SDK1: variants seen among roughly 807,000 people sequenced by gnomAD.
SDK1 encodes protein sidekick-1.
A neutral mutation model predicts 245.5 loss-of-function variants in SDK1; 157 were observed. The observed-to-expected ratio is 0.64, with a 90% confidence interval of 0.56 to 0.73. The LOEUF is 0.73. Ranked by LOEUF, SDK1 falls within the 30% of genes least tolerant of loss-of-function variation. SDK1 has a pLI of 0.00. For missense variants in SDK1, 3,583 were observed against 3,002.3 expected (o/e 1.19, Z -4.52); for synonymous variants, 1,647 against 1,278.5 (o/e 1.29, Z -6.15).
chr7:3,853,996 A>G (rs569115413), intron 5 of SDK1, among the ~76,000 whole-genome samples: 2 of 152,192 alleles, frequency 1.3e-5, no homozygotes, highest in South Asian at 4.2e-4. Flanking sequence ...TCAAAAAAAA[A>G]ATTTTTTTTG....
At chr7:3,591,069 C>G (rs140683868) in intron 1 of SDK1, among the ~76,000 whole-genome samples, 1 of 152,138 alleles carries the variant, frequency 6.6e-6, no homozygotes, top group Admixed American at 6.5e-5. Flanking sequence ...ATATGATAAT[C>G]ATTCTTTAAT....
chr7:3,302,033 CTCCACG>C, intron 1 of SDK1, 149 bp downstream of exon 1: 2 of 477,750 alleles, frequency 4.2e-6, no homozygotes, highest in Non-Finnish European at 5.7e-6. Flanking sequence ...CCAGGGGCTC[CTCCACG>C]CCAGACTCGG....
chr7:3,863,754 A>G (rs1159709082), intron 5 of SDK1, among the ~76,000 whole-genome samples: 2 of 152,312 alleles, frequency 1.3e-5, no homozygotes, highest in East Asian at 3.9e-4. Flanking sequence ...ATGTTGTAGC[A>G]GTTGTCAGAA....
At chr7:3,535,142 G>A (rs1404402882) in intron 1 of SDK1, among the ~76,000 whole-genome samples, 2 of 152,106 alleles carry the variant, frequency 1.3e-5, no homozygotes, top group Non-Finnish European at 2.9e-5. Context: ...TGGGCATGGT[G>A]ATACGCACCT....
intron 6 of SDK1, among the ~76,000 whole-genome samples, chr7:3,951,285 A>G (rs560438118): frequency 1.3e-5 from 2 of 152,036 alleles, no homozygotes; most frequent in African/African-American, 2.4e-5. Flanking sequence ...CTCCTCTGAG[A>G]TCCTCTCTAG....
At chr7:4,144,615 G>C (rs1304638553) in intron 28 of SDK1, among the ~76,000 whole-genome samples, 2 of 152,022 alleles carry the variant, frequency 1.3e-5, no homozygotes, top group African/African-American at 4.8e-5. Context: ...GAGGATGCCT[G>C]TGAGCTCGGT....
At chr7:4,034,594 G>A (rs955048037) in intron 17 of SDK1, among the ~76,000 whole-genome samples, 1 of 151,990 alleles carries the variant, frequency 6.6e-6, no homozygotes, top group Admixed American at 6.5e-5. Flanking sequence ...ACAAACTGAT[G>A]CAGCCCCTGA....
intron 22 of SDK1, among the ~76,000 whole-genome samples, chr7:4,104,397 C>T (rs553394859): frequency 1.6e-4 from 24 of 152,306 alleles, no homozygotes; most frequent in African/African-American, 4.3e-4. Flanking sequence ...GGGGCCATCA[C>T]GTTAAAGAAG....
rs186526898 is a variant in SDK1, at chr7:3,402,174, G to C, written c.298+100290G>C. On this transcript the variant is annotated intron_variant, in intron 1 of 44. Coordinates refer to ENST00000404826, the MANE Select transcript of SDK1 (RefSeq NM_152744.4). ...AAAGAACTTGAGAAAGCTTCATGTG[G>C]CTCAGTATCCTGCACTCAGTAGGAT... Among the ~76,000 whole-genome samples the C allele has an allele frequency of 4.6e-5, 7 of 152,248 alleles. No homozygotes were observed. In the East Asian group the frequency reaches 1.4e-3, roughly 29 times the overall value.
At chr7:3,907,314 C>T (rs1297790058) in intron 5 of SDK1, among the ~76,000 whole-genome samples, 9 of 152,202 alleles carry the variant, frequency 5.9e-5, no homozygotes, top group African/African-American at 1.4e-4. Flanking sequence ...CCACTGGTAG[C>T]TGCTTTTCTG....
intron 1 of SDK1, among the ~76,000 whole-genome samples, chr7:3,609,555 C>T (rs968377721): frequency 9.2e-5 from 14 of 152,064 alleles, no homozygotes; most frequent in Admixed American, 2.6e-4. Flanking sequence ...CACGTGCCAC[C>T]ATACCCGGCT....
At chr7:3,740,219 T>C (rs1779439660) in intron 4 of SDK1, among the ~76,000 whole-genome samples, 1 of 152,182 alleles carries the variant, frequency 6.6e-6, no homozygotes, top group Non-Finnish European at 1.5e-5. Context: ...TGTATGTCAG[T>C]CTGTCATGCC....
intron 4 of SDK1, among the ~76,000 whole-genome samples, chr7:3,735,558 T>C (rs775285298): frequency 1.8e-4 from 28 of 152,238 alleles, no homozygotes; most frequent in Non-Finnish European, 3.5e-4. Flanking sequence ...TGTTTACCTG[T>C]TTATCCCTCC....
At chr7:3,433,338 C>G (rs139335760) in intron 1 of SDK1, among the ~76,000 whole-genome samples, 59 of 152,308 alleles carry the variant, frequency 3.9e-4, no homozygotes, top group African/African-American at 1.4e-3. Context: ...TTGGTTTAGT[C>G]ATTTCGTCTC....
intron 35 of SDK1, among the ~76,000 whole-genome samples, chr7:4,188,578 T>G (rs148178697): frequency 4.2e-4 from 64 of 152,224 alleles, no homozygotes; most frequent in African/African-American, 1.5e-3. Flanking sequence ...AACCTCCATA[T>G]CTGAGGCATC....
At chr7:3,674,718 C>G (rs891640239) in intron 4 of SDK1, among the ~76,000 whole-genome samples, 24 of 152,150 alleles carry the variant, frequency 1.6e-4, no homozygotes, top group Admixed American at 1.4e-3. Flanking sequence ...TGATGTGTAG[C>G]TTTTTCCAAT....
intron 35 of SDK1, among the ~76,000 whole-genome samples, chr7:4,189,923 C>T (rs1783095256): frequency 6.6e-6 from 1 of 152,000 alleles, no homozygotes; most frequent in Non-Finnish European, 1.5e-5. Context: ...AAAAAATTGT[C>T]GTACAATATG....
intron 14 of SDK1, among the ~76,000 whole-genome samples, chr7:4,003,066 C>G (rs375125956): frequency 6.6e-6 from 1 of 152,254 alleles, no homozygotes; most frequent in African/African-American, 2.4e-5. Flanking sequence ...TGGGACAGCT[C>G]ATTCTCCAGG....
intron 28 of SDK1, among the ~76,000 whole-genome samples, chr7:4,144,804 C>G (rs1044337683): frequency 6.6e-6 from 1 of 152,174 alleles, no homozygotes; most frequent in East Asian, 1.9e-4. Context: ...GAGACCGGAG[C>G]GCGGCTCTGT....
Sources: gnomAD v4.1 joint callset for allele counts (sites outside exome capture counted in the v4.1 genomes callset) on GRCh38, gnomAD v4.1.1 for gene constraint, MANE v1.5 for transcripts, NCBI Gene and HGNC (gene_info 2026-07-23, HGNC 2026-07-21) for gene names.